KCNJ6: variants seen among roughly 807,000 people sequenced by gnomAD.
The protein encoded by KCNJ6 is G protein-activated inward rectifier potassium channel 2.
KCNJ6 carries 9 observed loss-of-function variants against 34.2 expected under a neutral mutation model. That is an observed-to-expected ratio of 0.26 (90% CI 0.16 to 0.46). The LOEUF (loss-of-function observed/expected upper bound fraction) is 0.46, where lower values mean the gene tolerates loss of function less well. KCNJ6 is among the 20% of genes least tolerant of loss of function. KCNJ6 has a pLI of 1.00. For synonymous variants in KCNJ6, 196 were observed against 207.1 expected, an observed-to-expected ratio of 0.95 and a Z score of 0.46; for missense variants, 236 against 531.3, an observed-to-expected ratio of 0.44 and a Z score of 5.46.
At chr21:37,630,134 C>CTCTGTGTGTGTGTGTGTGTGTGTG in intron 3 of KCNJ6, among the ~76,000 whole-genome samples, 1 of 144,154 alleles carries the variant, frequency 6.9e-6, no homozygotes, top group East Asian at 2.1e-4. Flanking sequence ...GATGACATCT[C>CTCTGTGTGTGTGTGTGTGTGTGTG]TGTGTGTGTG....
At chr21:37,724,966 CT>C (rs1274569426) in intron 2 of KCNJ6, among the ~76,000 whole-genome samples, 4 of 151,732 alleles carry the variant, frequency 2.6e-5, no homozygotes, top group Non-Finnish European at 5.9e-5. Context: ...TTAGGCAGGC[CT>C]TTTTTTAACC....
intron 2 of KCNJ6, among the ~76,000 whole-genome samples, chr21:37,822,356 G>A (rs943135974): frequency 6.6e-6 from 1 of 152,086 alleles, no homozygotes; most frequent in Non-Finnish European, 1.5e-5. Context: ...GAAGGTGGGG[G>A]TGCTGCCAGG....
chr21:37,808,042 G>T (rs187772898), intron 2 of KCNJ6, among the ~76,000 whole-genome samples: 2 of 152,264 alleles, frequency 1.3e-5, no homozygotes, highest in African/African-American at 4.8e-5. Flanking sequence ...CTCTCTTCTA[G>T]AAAAATATTT....
chr21:37,796,779 C>CTTTCTTTTT (rs1299616786), intron 2 of KCNJ6, among the ~76,000 whole-genome samples: 2 of 71,488 alleles, frequency 2.8e-5, no homozygotes, highest in African/African-American at 1.3e-4. Flanking sequence ...TTCTTTCTTT[C>CTTTCTTTTT]TTTTTTTTTT....
At chr21:37,645,024 T>G (rs113256108) in intron 3 of KCNJ6, among the ~76,000 whole-genome samples, 17,901 of 150,502 alleles carry the variant, frequency 0.12, 1,608 homozygotes, top group African/African-American at 0.25. Context: ...TGGGTTTTTT[T>G]TTTTTTTTTT....
chr21:37,723,348 C>T (rs757895173), intron 2 of KCNJ6, among the ~76,000 whole-genome samples: 43 of 152,266 alleles, frequency 2.8e-4, no homozygotes, highest in African/African-American at 4.3e-4. Context: ...AGTTTAGCCA[C>T]GGTGGAAAGC....
intron 2 of KCNJ6, among the ~76,000 whole-genome samples, chr21:37,840,041 T>C (rs1206774781): frequency 1.3e-5 from 2 of 152,168 alleles, no homozygotes; most frequent in African/African-American, 2.4e-5. Flanking sequence ...TCAAGTGATC[T>C]GCCCGCCTCA....
Position 37,625,149 on chromosome 21 carries a change from A to G in KCNJ6, c.*10T>C. On this transcript the variant is annotated 3_prime_UTR_variant, in exon 4 of 4. Coordinates refer to ENST00000609713, the MANE Select transcript of KCNJ6 (RefSeq NM_002240.5). ...GGGGGGAGAAGAGAAGGGTTTGCCC[A>G]GCTAGGGCACTAAACTTTGGATTCA... The G allele has an allele frequency of 1.3e-6, 2 of 1,597,020 alleles. No homozygotes were observed. The highest frequency in any genetic ancestry group is 1.1e-5 in the South Asian group (1 of 90,172).
intron 2 of KCNJ6, among the ~76,000 whole-genome samples, chr21:37,805,449 G>A (rs1025423473): frequency 7.9e-5 from 12 of 151,764 alleles, no homozygotes; most frequent in Admixed American, 3.9e-4. Context: ...CCCATTTGGC[G>A]TTTGGTGTTA....
At chr21:37,893,510 C>T (rs1461349770) in intron 1 of KCNJ6, among the ~76,000 whole-genome samples, 3 of 152,136 alleles carry the variant, frequency 2.0e-5, no homozygotes, top group East Asian at 3.8e-4. Flanking sequence ...CCAGCCTGTT[C>T]CCCCTATTTT....
At chr21:37,804,014 C>T (rs2055281837) in intron 2 of KCNJ6, among the ~76,000 whole-genome samples, 1 of 152,174 alleles carries the variant, frequency 6.6e-6, no homozygotes, top group Non-Finnish European at 1.5e-5. Flanking sequence ...AGCAAAAATA[C>T]TCTGCCCCCA....
chr21:37,682,728 G>C (rs2123419879), intron 3 of KCNJ6, among the ~76,000 whole-genome samples: 1 of 152,278 alleles, frequency 6.6e-6, no homozygotes, highest in East Asian at 1.9e-4. Flanking sequence ...CTTTTTAGTG[G>C]TCACCAGTCA....
chr21:37,801,763 G>A (rs2055270609), intron 2 of KCNJ6, among the ~76,000 whole-genome samples: 1 of 152,082 alleles, frequency 6.6e-6, no homozygotes, highest in East Asian at 1.9e-4. Flanking sequence ...TATTGAAGTG[G>A]AGGTGTGGAC....
chr21:37,747,856 C>T (rs2054975304), intron 2 of KCNJ6, among the ~76,000 whole-genome samples: 1 of 152,228 alleles, frequency 6.6e-6, no homozygotes, highest in Non-Finnish European at 1.5e-5. Context: ...AACCCGCAGA[C>T]TTGCCAGATA....
intron 2 of KCNJ6, among the ~76,000 whole-genome samples, chr21:37,719,089 T>A (rs968869432): frequency 5.3e-5 from 8 of 150,194 alleles, no homozygotes; most frequent in Non-Finnish European, 7.4e-5. Context: ...AGAGAAGAGA[T>A]GAAGGAGGAG....
At chr21:37,710,736 A>G (rs1189995137) in intron 3 of KCNJ6, among the ~76,000 whole-genome samples, 2 of 152,198 alleles carry the variant, frequency 1.3e-5, no homozygotes, top group Non-Finnish European at 2.9e-5. Flanking sequence ...ATGCTTTACT[A>G]TTTTAACACA....
At chr21:37,758,488 T>C (rs892407103) in intron 2 of KCNJ6, among the ~76,000 whole-genome samples, 4 of 152,218 alleles carry the variant, frequency 2.6e-5, no homozygotes, top group African/African-American at 9.7e-5. Context: ...CTGATTGCCA[T>C]GATGTGAATT....
intron 1 of KCNJ6, among the ~76,000 whole-genome samples, chr21:37,877,235 T>G (rs1279965911): frequency 6.6e-6 from 1 of 152,150 alleles, no homozygotes. Context: ...TCACCTTTTC[T>G]CCCCAGGTCT....
chr21:37,803,354 G>A (rs182687377), intron 2 of KCNJ6, among the ~76,000 whole-genome samples: 78 of 152,254 alleles, frequency 5.1e-4, no homozygotes, highest in Middle Eastern at 3.4e-3. Flanking sequence ...CAGCATCTGC[G>A]TGATCTTGAA....
Sources: allele counts gnomAD v4.1 joint callset (sites outside exome capture counted in the v4.1 genomes callset), GRCh38; gene constraint gnomAD v4.1.1; transcripts MANE v1.5; gene names NCBI Gene and HGNC (gene_info 2026-07-23, HGNC 2026-07-21).